BOP1: variants seen among roughly 807,000 people sequenced by gnomAD.
BOP1 encodes the protein ribosome biogenesis protein BOP1.
BOP1 carries 54 observed loss-of-function variants against 82.9 expected under a neutral mutation model. That is an observed-to-expected ratio of 0.65 (90% CI 0.52 to 0.82). BOP1 has a LOEUF of 0.82. Ranked by LOEUF, BOP1 falls within the 40% of genes least tolerant of loss-of-function variation. BOP1 has a pLI of 0.00. For synonymous variants in BOP1, 566 were observed against 451.1 expected (o/e 1.25, Z -3.23); for missense variants, 1,170 against 1,072.0 (o/e 1.09, Z -1.28).
At position 144,264,369 on chromosome 8, in the gene BOP1, G is replaced by A. The variant is rs1431554656; in HGVS notation, c.834C>T (p.Pro278=). The part of the protein sequence containing the change: ...IQPRRPRDPT[P]SFYDLWAQED... ...CCTGGGCCCACAGGTCATAGAAGCTGGGGGTGGGGTCTCGGGGCCGGCGAG... is the reference window on the plus strand; with the variant it reads ...CCTGGGCCCACAGGTCATAGAAGCTAGGGGTGGGGTCTCGGGGCCGGCGAG... Residue 278 remains proline (P), a synonymous_variant, in exon 7 of 16, where the codon CCC becomes CCT. Transcript: ENST00000569669. 1 of 1,604,570 alleles carries A rather than the reference G, an allele frequency of 6.2e-7. No individual in the cohort carries two copies. The highest frequency in any genetic ancestry group is 8.5e-7 in the Non-Finnish European group (1 of 1,179,720).
chr8:144,267,096 G>GCCC, intron 3 of BOP1: 3 of 1,403,808 alleles, frequency 2.1e-6, no homozygotes, highest in African/African-American at 1.5e-5. Context: ...CCCCGCCGCC[G>GCCC]CCCCCGCCGC....
At chr8:144,268,920 G>A (rs1187121953) in intron 3 of BOP1, among the ~76,000 whole-genome samples, 3 of 151,156 alleles carry the variant, frequency 2.0e-5, no homozygotes, top group Admixed American at 6.6e-5. Context: ...CACAAGGAGT[G>A]GAGCGAGCTG....
At chr8:144,282,380 G>C (rs933474648) in intron 2 of BOP1, among the ~76,000 whole-genome samples, 1 of 152,222 alleles carries the variant, frequency 6.6e-6, no homozygotes, top group South Asian at 2.1e-4. Flanking sequence ...TGGGTCATCA[G>C]GTGGCACAGA....
intron 3 of BOP1, chr8:144,266,517 C>T (rs1397020431): frequency 2.0e-6 from 2 of 989,172 alleles, no homozygotes; most frequent in Admixed American, 1.2e-4. Context: ...GCCGAGACCC[C>T]GCGCCTCGCC....
At position 144,278,084 on chromosome 8, in the gene BOP1, CCTGA is replaced by C. The variant is rs1434860745; in HGVS notation, c.310-1784_310-1781del. ...CCAGCACCACCCGCAGTGTGCGTGG[CCTGA>C]CTGAGGAGGGGTCGGGCCCGATGGA... is the stretch of plus-strand genomic sequence containing the variant. On this transcript the variant is annotated intron_variant, in intron 2 of 15. Transcript: ENST00000569669. Among the ~76,000 whole-genome samples, 6 of 152,292 alleles carry C rather than the reference CCTGA, an allele frequency of 3.9e-5. No homozygotes were observed. The East Asian group carries it at 9.7e-4, about 25-fold the overall frequency.
At chr8:144,281,974 A>G (rs1301350799) in intron 2 of BOP1, 1 of 152,276 alleles carries the variant, frequency 6.6e-6, no homozygotes, top group East Asian at 1.9e-4. Flanking sequence ...ATAAATGAAA[A>G]GACAAAACCA....
Position 144,262,419 on chromosome 8 carries a change from G to A in BOP1, c.2064C>T (p.Ile688=), listed in dbSNP as rs1458332183. 1.1e-5 allele frequency: 18 copies of A among 1,612,662 alleles called. No individual in the cohort carries two copies. The highest frequency in any genetic ancestry group is 7.7e-5 in the South Asian group (7 of 91,076). ...FASGSDDGSV[I]VCHGMVYNDL... Reference sequence around the variant, plus strand: ...ACTTGTACACCATGCCATGGCAGACGATGACACTGCCGTCGTCCGAGCCTG... The same window carrying A: ...ACTTGTACACCATGCCATGGCAGACAATGACACTGCCGTCGTCCGAGCCTG... Residue 688 remains isoleucine (I), a synonymous_variant, in exon 15 of 16, where the codon ATC becomes ATT. Transcript: ENST00000569669.
chr8:144,271,866 C>T (rs1057186831), intron 3 of BOP1, among the ~76,000 whole-genome samples: 7 of 152,140 alleles, frequency 4.6e-5, no homozygotes, highest in South Asian at 2.1e-4. Flanking sequence ...GCACACAGCT[C>T]GGCCTTCTCC....
Position 144,276,271 on chromosome 8 carries a change from T to C in BOP1, c.343A>G (p.Ser115Gly). 1.2e-6 allele frequency: 2 copies of C among 1,613,552 alleles called. No homozygotes were observed. The highest frequency in any genetic ancestry group is 1.7e-6 in the Non-Finnish European group (2 of 1,179,806). ...STPCPRTEMA[S>G]ARIGDEYAED... ...GCATACTCATCCCCAATCCGGGCGC[T>C]CGCCATCTCTGTCCTCGGGCAAGGA... Residue 115 changes from serine to glycine, a missense_variant, in exon 3 of 16, where the codon AGC becomes GGC. Transcript: ENST00000569669.
rs782295654 is a variant in BOP1, at chr8:144,291,276, G to A, written c.95C>T (p.Pro32Leu). The change falls in exon 1 of 16, where the codon CCG becomes CTG. Residue 32 changes from proline to leucine, a missense_variant. By Grantham distance (98) the Pro-to-Leu change is moderately conservative. Transcript: ENST00000569669. The surrounding 1 kb of genome is among the most constrained non-coding windows in gnomAD (Gnocchi z 4.1). The part of the protein sequence containing the change: ...SEPELEPEPE[P>L]EPPLLCTSPL... Reference sequence around the variant, plus strand: ...GCCCCGCATCGCCACAGTCACCTCCGGCTCGGGCTCAGGCTCCAGTTCGGG... The same window carrying A: ...GCCCCGCATCGCCACAGTCACCTCCAGCTCGGGCTCAGGCTCCAGTTCGGG... 2.1e-6 allele frequency: 3 copies of A among 1,459,734 alleles called. No homozygotes were observed. Among genetic ancestry groups the A allele is most frequent in the South Asian group, 2.6e-5 (2 of 77,346 alleles). 90.4% of individuals were successfully genotyped at this position (1,459,734 alleles called of 1,614,324 possible).
At chr8:144,262,342 G>A in intron 15 of BOP1, 25 bp from the exon 16 acceptor site, 1 of 1,612,744 alleles carries the variant, frequency 6.2e-7, no homozygotes, top group Non-Finnish European at 8.5e-7. Context: ...AGGGCTCAGG[G>A]CACGGCCAGA....
Position 144,269,561 on chromosome 8 carries a change from G to A in BOP1, c.391-4490C>T, listed in dbSNP as rs951766738. The stretch of plus-strand genomic sequence containing the variant: ...AAGCCAGAGCCATTAAGGGCTAGAG[G>A]GGGGCTGAGTCCAATCTGATAGAAA... On this transcript the variant is annotated intron_variant, in intron 3 of 15. Coordinates refer to ENST00000569669, the MANE Select transcript of BOP1 (RefSeq NM_015201.5). Among the ~76,000 whole-genome samples, 21 of 152,236 alleles carry A rather than the reference G, an allele frequency of 1.4e-4. 1 individual carries two copies. The highest frequency in any genetic ancestry group is 4.8e-4 in the African/African-American group (20 of 41,448).
At chr8:144,272,464 A>C (rs1845506593) in intron 3 of BOP1, among the ~76,000 whole-genome samples, 1 of 152,092 alleles carries the variant, frequency 6.6e-6, no homozygotes, top group Admixed American at 6.5e-5. Context: ...TGCAGCCGTC[A>C]CCACCTGCCC....
chr8:144,289,079 C>G lies in BOP1; in HGVS notation c.309+16G>C, dbSNP rs1554839783. 6 of 1,613,726 alleles carry G rather than the reference C, an allele frequency of 3.7e-6. No homozygotes were observed. The highest frequency in any genetic ancestry group is 5.1e-6 in the Non-Finnish European group (6 of 1,179,874). ...ACATGGGGGACAGCCCTCGAGGGGG[C>G]TCCTCGCTCACCCACCTGCACCTGC... On this transcript the variant is annotated intron_variant, in intron 2 of 15. Transcript: ENST00000569669.
At chr8:144,273,731 C>T (rs967695399) in intron 3 of BOP1, among the ~76,000 whole-genome samples, 52 of 152,180 alleles carry the variant, frequency 3.4e-4, no homozygotes, top group African/African-American at 1.1e-3. Context: ...GCTCCAGGCG[C>T]GGTGGGAGAG....
chr8:144,267,323 G>GCCTGACACTCCTCCCTCCCCTCT, intron 3 of BOP1: 11 of 1,050,464 alleles, frequency 1.0e-5, no homozygotes, highest in Admixed American at 3.9e-5. Flanking sequence ...GCCTGCCGGG[G>GCCTGACACTCCTCCCTCCCCTCT]GCTGGGGCCT....
chr8:144,279,384 C>T (rs1023828450), intron 2 of BOP1, among the ~76,000 whole-genome samples: 10 of 151,838 alleles, frequency 6.6e-5, no homozygotes, highest in East Asian at 1.9e-4. Flanking sequence ...GGGCCAAGAC[C>T]ACCATGGCCA....
In BOP1 at chr8:144,262,203, G is replaced by A. The variant is rs1222263870; in HGVS notation, c.2202C>T (p.Phe734=). The change falls in exon 16 of 16, where the codon TTC becomes TTT. Residue 734 remains phenylalanine (F), a synonymous_variant. Coordinates refer to ENST00000569669, the MANE Select transcript of BOP1 (RefSeq NM_015201.5). The part of the protein sequence containing the change: ...VIFHPTQPWV[F]SSGADGTVRL... The stretch of plus-strand genomic sequence containing the variant: ...GGACAGTCCCGTCTGCCCCCGAGGA[G>A]AAGACCCACGGCTGGGTGGGGTGGA... 1 of 1,612,666 alleles carries A rather than the reference G, an allele frequency of 6.2e-7. No homozygotes were observed. The highest frequency in any genetic ancestry group is 1.3e-5 in the African/African-American group (1 of 74,894).
chr8:144,279,244 A>G (rs1453217329), intron 2 of BOP1, among the ~76,000 whole-genome samples: 1 of 151,878 alleles, frequency 6.6e-6, no homozygotes, highest in African/African-American at 2.4e-5. Context: ...CACAGGCCCT[A>G]AGACCACCAT....
Sources: allele counts gnomAD v4.1 joint callset (sites outside exome capture counted in the v4.1 genomes callset), GRCh38; gene constraint gnomAD v4.1.1; non-coding constraint Gnocchi (gnomAD v3.1); transcripts MANE v1.5; gene names NCBI Gene and HGNC (gene_info 2026-07-23, HGNC 2026-07-21).